Variants in CBR4 observed in about 807,000 individuals in gnomAD.
The protein encoded by CBR4 is 3-oxoacyl-[acyl-carrier-protein] reductase.
In CBR4, 22 loss-of-function variants were observed where a neutral mutation model predicts 21.0. That is an observed-to-expected ratio of 1.05 (90% CI 0.75 to 1.50). CBR4 has a LOEUF of 1.50. Among genes scored for constraint, CBR4 ranks in the 40% most tolerant of loss-of-function variants. CBR4 has a pLI of 0.00. For missense variants in CBR4, 302 were observed against 286.3 expected, an observed-to-expected ratio of 1.05 and a Z score of -0.40; for synonymous variants, 100 against 104.4, an observed-to-expected ratio of 0.96 and a Z score of 0.26.
intron 2 of CBR4, among the ~76,000 whole-genome samples, chr4:168,977,750 C>T (rs1284905722): frequency 2.6e-5 from 4 of 152,192 alleles, no homozygotes; most frequent in South Asian, 2.1e-4. Context: ...AACAAACCTG[C>T]TCTTATGCAG....
intron 2 of CBR4, chr4:168,903,720 C>T (rs1355963593): frequency 6.4e-7 from 1 of 1,560,020 alleles, no homozygotes; most frequent in Non-Finnish European, 8.8e-7. Flanking sequence ...TAGGAATACA[C>T]AAACTCCTAA....
At position 168,990,577 on chromosome 4, in the gene CBR4, T is replaced by C. The variant is rs1296850775; in HGVS notation, c.536-249A>G. Among the ~76,000 whole-genome samples, 3 of 151,868 alleles carry C rather than the reference T, an allele frequency of 2.0e-5. No individual in the cohort carries two copies. In the South Asian group the frequency reaches 6.2e-4, roughly 32 times the overall value. On this transcript the variant is annotated intron_variant, in intron 4 of 4. Transcript: ENST00000306193. ...TCAGCCTCCCAAGTAGCTGGGACTA[T>C]AGGCATGCACCACCACACCTGGCTA...
chr4:168,938,560 T>G (rs1013206606), intron 2 of CBR4, among the ~76,000 whole-genome samples: 1 of 151,906 alleles, frequency 6.6e-6, no homozygotes, highest in Non-Finnish European at 1.5e-5. Context: ...AATAGACCAC[T>G]AGCCAGGCTA....
chr4:168,966,835 G>A (rs1212804863), intron 2 of CBR4, among the ~76,000 whole-genome samples: 3 of 152,044 alleles, frequency 2.0e-5, no homozygotes, highest in South Asian at 2.1e-4. Context: ...TGGCTAACAC[G>A]ATGAAACCCA....
At chr4:168,910,361 T>C (rs1260913838) in intron 2 of CBR4, among the ~76,000 whole-genome samples, 1 of 152,068 alleles carries the variant, frequency 6.6e-6, no homozygotes, top group Non-Finnish European at 1.5e-5. Flanking sequence ...TTCAGTATGA[T>C]TGTGCTTAGC....
At chr4:169,008,745 G>A (rs576477423) in intron 1 of CBR4, among the ~76,000 whole-genome samples, 40 of 152,058 alleles carry the variant, frequency 2.6e-4, no homozygotes, top group Non-Finnish European at 5.1e-4. Flanking sequence ...TGATGGCTTG[G>A]GGTGACACAG....
intron 2 of CBR4, among the ~76,000 whole-genome samples, chr4:168,938,963 T>C (rs974998084): frequency 1.3e-5 from 2 of 152,198 alleles, no homozygotes; most frequent in Non-Finnish European, 2.9e-5. Context: ...AGCATCATCC[T>C]GATACCAAAA....
chr4:168,996,707 T>C (rs1765220991), intron 4 of CBR4, among the ~76,000 whole-genome samples: 1 of 152,176 alleles, frequency 6.6e-6, no homozygotes, highest in South Asian at 2.1e-4. Flanking sequence ...TGTCTGTAGC[T>C]TTTTAAAACT....
intron 2 of CBR4, among the ~76,000 whole-genome samples, chr4:168,952,395 C>A (rs1763565286): frequency 6.6e-6 from 1 of 152,118 alleles, no homozygotes; most frequent in African/African-American, 2.4e-5. Flanking sequence ...TAATAACTAA[C>A]CTCCTGAATG....
Position 168,990,173 on chromosome 4 carries a change from C to A in CBR4, c.691G>T (p.Gly231Trp). Residue 231 changes from glycine to tryptophan, a missense_variant, in exon 5 of 5, where the codon GGG becomes TGG. Coordinates refer to ENST00000306193, the MANE Select transcript of CBR4 (RefSeq NM_032783.5). ...AATTACAAAATGAGTTGTAATCCCC[C>A]ATCCACTACCAGAACATGCCCTGTA... ...YITGHVLVVD[G>W]GLQLIL 6.2e-7 allele frequency: 1 copy of A among 1,605,892 alleles called. No individual in the cohort carries two copies. The highest frequency in any genetic ancestry group is 1.1e-5 in the South Asian group (1 of 89,760).
At chr4:168,982,049 G>A (rs1010156715) in intron 2 of CBR4, among the ~76,000 whole-genome samples, 3 of 152,134 alleles carry the variant, frequency 2.0e-5, no homozygotes, top group Non-Finnish European at 2.9e-5. Flanking sequence ...ATGATGACAG[G>A]ATAAATTCCA....
chr4:168,970,205 A>AT (rs1257951792), intron 2 of CBR4, among the ~76,000 whole-genome samples: 11 of 152,004 alleles, frequency 7.2e-5, no homozygotes, highest in African/African-American at 2.4e-4. Context: ...TCTTTAAGGG[A>AT]TTTTTTTGAT....
intron 2 of CBR4, among the ~76,000 whole-genome samples, chr4:168,964,215 G>A (rs1291038138): frequency 6.6e-6 from 1 of 152,158 alleles, no homozygotes; most frequent in Non-Finnish European, 1.5e-5. Context: ...TGCATGATTA[G>A]ACAACTGTCT....
At chr4:168,943,675 T>A (rs1271168590) in intron 2 of CBR4, among the ~76,000 whole-genome samples, 1 of 152,148 alleles carries the variant, frequency 6.6e-6, no homozygotes, top group Non-Finnish European at 1.5e-5. Flanking sequence ...TTTGGGAGGC[T>A]GAGACGGGTG....
chr4:168,922,114 C>T lies in CBR4; in HGVS notation n.170-27349G>A, dbSNP rs1394915436. Among the ~76,000 whole-genome samples, 79 of 40,294 alleles carry T rather than the reference C, an allele frequency of 2.0e-3. No individual in the cohort carries two copies. The Admixed American group carries it at 0.021, about 11-fold the overall frequency. The allele number at this position is 40,294 out of a possible 152,430, so 26.4% of individuals were successfully genotyped here. On this transcript the variant is annotated intron_variant and non_coding_transcript_variant, in intron 2 of 3. Coordinates refer to the CBR4 transcript ENST00000509108. ...ATATATATATATATACACACACACA[C>T]ACACACACACACACACACACACACA...
intron 2 of CBR4, among the ~76,000 whole-genome samples, chr4:168,958,052 G>T (rs1254066207): frequency 6.6e-6 from 1 of 152,106 alleles, no homozygotes; most frequent in African/African-American, 2.4e-5. Flanking sequence ...TACCCACGAG[G>T]TCAATAGTTC....
intron 2 of CBR4, among the ~76,000 whole-genome samples, chr4:168,912,920 A>G (rs1759288346): frequency 6.6e-6 from 1 of 152,154 alleles, no homozygotes. Flanking sequence ...AGAACAAAAT[A>G]TAGGTTTTTT....
intron 2 of CBR4, chr4:168,921,442 A>G (rs910808796): frequency 3.6e-6 from 3 of 827,230 alleles, no homozygotes; most frequent in African/African-American, 3.4e-5. Flanking sequence ...CTCTTGTACT[A>G]CTGAAGGAGG....
At chr4:168,913,009 T>A (rs1302678107) in intron 2 of CBR4, among the ~76,000 whole-genome samples, 3 of 152,182 alleles carry the variant, frequency 2.0e-5, no homozygotes, top group Non-Finnish European at 4.4e-5. Flanking sequence ...TCAAATATGT[T>A]CATTTCATGA....
Sources: gnomAD v4.1 joint callset for allele counts (sites outside exome capture counted in the v4.1 genomes callset) on GRCh38, gnomAD v4.1.1 for gene constraint, MANE v1.5 for transcripts, NCBI Gene and HGNC (gene_info 2026-07-23, HGNC 2026-07-21) for gene names.